The following VIPR1 variants were observed in gnomAD, a reference collection of about 807,000 sequenced individuals.
VIPR1 encodes vasoactive intestinal polypeptide receptor 1.
A neutral mutation model predicts 58.8 loss-of-function variants in VIPR1; 59 were observed. That is an observed-to-expected ratio of 1.00 (90% CI 0.81 to 1.25). VIPR1 has a LOEUF of 1.25. VIPR1 is among the 50% of genes most tolerant of loss of function. The probability of loss-of-function intolerance (pLI) is 0.00; values close to 1 mark genes in which losing one functional copy is unlikely to be tolerated. For synonymous variants in VIPR1, 251 were observed against 242.1 expected (o/e 1.04, Z -0.34); for missense variants, 626 against 602.7 (o/e 1.04, Z -0.40).
intron 1 of VIPR1, among the ~76,000 whole-genome samples, chr3:42,493,469 G>A (rs1168880114): frequency 6.6e-6 from 1 of 152,214 alleles, no homozygotes; most frequent in Non-Finnish European, 1.5e-5. Context: ...TTGCCTGTGG[G>A]CACAGTTGGG....
At chr3:42,497,372 G>A (rs184054185) in intron 1 of VIPR1, among the ~76,000 whole-genome samples, 25 of 152,252 alleles carry the variant, frequency 1.6e-4, no homozygotes, top group Admixed American at 5.2e-4. Context: ...ACCCCTGGCT[G>A]GAAGTAGATG....
chr3:42,528,332 C>A, intron 6 of VIPR1: 1 of 685,980 alleles, frequency 1.5e-6, no homozygotes, highest in Non-Finnish European at 2.4e-6. Context: ...TGTTGCTCAC[C>A]CATCTGGGTG....
At chr3:42,492,989 C>G (rs932767670) in intron 1 of VIPR1, among the ~76,000 whole-genome samples, 2 of 152,272 alleles carry the variant, frequency 1.3e-5, no homozygotes, top group African/African-American at 2.4e-5. Flanking sequence ...AGATCTCTAA[C>G]ATTTTCCCAG....
At position 42,513,752 on chromosome 3, in the gene VIPR1, G is replaced by T; in HGVS notation, c.82G>T (p.Gly28Cys). The T allele has an allele frequency of 6.4e-7, 1 of 1,551,328 alleles. No homozygotes were observed. Among genetic ancestry groups the T allele is most frequent in the Non-Finnish European group, 8.7e-7 (1 of 1,146,840 alleles). The change falls in exon 2 of 13, where the codon GGC becomes TGC. Residue 28 changes from glycine (G) to cysteine (C), a missense_variant. Transcript: ENST00000325123. ...CCCTCCCTGTCTTTGTTCTCAGGGC[G>T]GCCAGGCGGCCAGGCTGCAGGAGGA... Reference protein sequence around the residue: ...ALAWALGPAGGQAARLQEECD... With the variant: ...ALAWALGPAGCQAARLQEECD...
chr3:42,526,139 G>T, intron 4 of VIPR1, 146 bp downstream of exon 4: 2 of 775,570 alleles, frequency 2.6e-6, no homozygotes, highest in Middle Eastern at 2.7e-4. Context: ...CTCCAGGCCT[G>T]CCTTTCTGGG....
intron 2 of VIPR1, among the ~76,000 whole-genome samples, chr3:42,516,056 G>C (rs1292480797): frequency 6.6e-6 from 1 of 152,164 alleles, no homozygotes; most frequent in East Asian, 1.9e-4. Context: ...TCTGTGTACT[G>C]GCATGTACAT....
Position 42,525,923 on chromosome 3 carries a change from G to A in VIPR1, c.329G>A (p.Trp110Ter), listed in dbSNP as rs141209102. 7 of 1,613,518 alleles carry A rather than the reference G, an allele frequency of 4.3e-6. No homozygotes were observed. Among genetic ancestry groups the A allele is most frequent in the Non-Finnish European group, 5.9e-6 (7 of 1,179,818 alleles). ...AGCCGCAGCTGCACCGACGAAGGCT[G>A]GACGCACCTGGAGCCTGGCCCGTAC... ...NVSRSCTDEG[W>*]THLEPGPYPI... is the part of the protein sequence containing the mutation. Residue 110 changes from tryptophan to a stop codon, truncating the protein, a stop_gained, in exon 4 of 13, where the codon TGG (tryptophan) becomes TAG (stop). Coordinates refer to ENST00000325123, the MANE Select transcript of VIPR1 (RefSeq NM_004624.4). LOFTEE classifies it high-confidence loss of function.
chr3:42,492,595 G>T (rs1699684598), intron 1 of VIPR1: 2 of 152,400 alleles, frequency 1.3e-5, no homozygotes, highest in South Asian at 4.1e-4. Context: ...GGTCTTTGTT[G>T]TTCTTCTCCC....
intron 1 of VIPR1, among the ~76,000 whole-genome samples, chr3:42,504,253 A>G (rs1700007027): frequency 1.3e-5 from 2 of 152,012 alleles, no homozygotes; most frequent in South Asian, 4.2e-4. Flanking sequence ...CCATTCCTCC[A>G]TCCCGAGAAG....
At chr3:42,532,396 C>A (rs899918628) in intron 10 of VIPR1, 63 bp downstream of exon 10, 1 of 1,519,852 alleles carries the variant, frequency 6.6e-7, no homozygotes, top group Non-Finnish European at 9.1e-7. Context: ...AATCATCCCA[C>A]ATCTCCTTGA....
At chr3:42,491,489 A>T (rs984399382) in intron 1 of VIPR1, among the ~76,000 whole-genome samples, 12 of 152,214 alleles carry the variant, frequency 7.9e-5, no homozygotes, top group African/African-American at 2.7e-4. Context: ...GAAATAAATT[A>T]AGTGATGGGT....
intron 7 of VIPR1, chr3:42,531,166 A>C: frequency 3.2e-6 from 2 of 625,744 alleles, no homozygotes; most frequent in East Asian, 5.5e-5. Flanking sequence ...TTTTGTGAAC[A>C]TCTTTCCATT....
chr3:42,532,528 C>T, intron 10 of VIPR1, 195 bp downstream of exon 10: 1 of 637,454 alleles, frequency 1.6e-6, no homozygotes, highest in East Asian at 2.7e-5. Context: ...CCAGGCTGCA[C>T]TCAGAGCCCT....
chr3:42,499,257 C>T (rs912801754), upstream of VIPR1, among the ~76,000 whole-genome samples: 5 of 152,272 alleles, frequency 3.3e-5, no homozygotes, highest in South Asian at 6.2e-4. Flanking sequence ...CACTCCACCA[C>T]AGAACCTCAC....
intron 1 of VIPR1, among the ~76,000 whole-genome samples, chr3:42,490,449 C>T (rs747400467): frequency 1.3e-5 from 2 of 152,184 alleles, no homozygotes; most frequent in Admixed American, 6.5e-5. Context: ...AAAGAGGAGG[C>T]GAGAGAGGCG....
chr3:42,501,664 G>A (rs1294634833), upstream of VIPR1, among the ~76,000 whole-genome samples: 1 of 152,252 alleles, frequency 6.6e-6, no homozygotes, highest in Non-Finnish European at 1.5e-5. This position sits in a 1 kb window ranked among gnomAD's most constrained non-coding sequence, Gnocchi z 4.8. Flanking sequence ...CAGCGGCCGA[G>A]CAGCCGCCCC....
At chr3:42,505,161 G>A (rs889809120) in intron 1 of VIPR1, among the ~76,000 whole-genome samples, 40 of 152,282 alleles carry the variant, frequency 2.6e-4, no homozygotes, top group Non-Finnish European at 5.3e-4. Context: ...AAGAGTCCAG[G>A]TGGATGTGGG....
At chr3:42,535,493 C>A in intron 12 of VIPR1, 109 bp downstream of exon 12, 1 of 1,229,010 alleles carries the variant, frequency 8.1e-7, no homozygotes, top group South Asian at 1.3e-5. Flanking sequence ...CCTTGCTGCT[C>A]CAAGTATGGT....
At chr3:42,528,329 C>T (rs1220393727) in intron 6 of VIPR1, 2 of 704,178 alleles carry the variant, frequency 2.8e-6, no homozygotes, top group African/African-American at 1.8e-5. Context: ...AGATGTTGCT[C>T]ACCCATCTGG....
Sources: allele counts gnomAD v4.1 joint callset (sites outside exome capture counted in the v4.1 genomes callset), GRCh38; gene constraint gnomAD v4.1.1; non-coding constraint Gnocchi (gnomAD v3.1); transcripts MANE v1.5; gene names NCBI Gene and HGNC (gene_info 2026-07-23, HGNC 2026-07-21).